The following PATJ variants were observed in gnomAD, a reference collection of about 807,000 sequenced individuals.
The protein encoded by PATJ is PATJ crumbs cell polarity complex component.
In PATJ, 190 loss-of-function variants were observed where a neutral mutation model predicts 224.9. That is an observed-to-expected ratio of 0.84 (90% CI 0.75 to 0.95). PATJ has a LOEUF of 0.95. Ranked by LOEUF, PATJ falls within the 40% of genes least tolerant of loss-of-function variation. PATJ has a pLI of 0.00. For synonymous variants in PATJ, 769 were observed against 820.3 expected (o/e 0.94, Z 1.07); for missense variants, 2,121 against 2,270.3 (o/e 0.93, Z 1.34).
chr1:61,847,435 A>G (rs1486378571), intron 17 of PATJ, among the ~76,000 whole-genome samples: 3 of 152,164 alleles, frequency 2.0e-5, no homozygotes, highest in African/African-American at 7.2e-5. Flanking sequence ...TGATGTGTGG[A>G]AAAATCTATT....
intron 28 of PATJ, among the ~76,000 whole-genome samples, chr1:62,002,583 C>G (rs1162446919): frequency 6.6e-6 from 1 of 151,868 alleles, no homozygotes; most frequent in Non-Finnish European, 1.5e-5. Flanking sequence ...GTAGTGCATG[C>G]CTATAATCCC....
At chr1:61,776,353 A>G (rs1646911693) in intron 7 of PATJ, among the ~76,000 whole-genome samples, 1 of 152,216 alleles carries the variant, frequency 6.6e-6, no homozygotes, top group Non-Finnish European at 1.5e-5. Flanking sequence ...TGATGGTACA[A>G]AAGCAGCTGC....
intron 30 of PATJ, among the ~76,000 whole-genome samples, chr1:62,049,280 CAGAGT>C (rs1417546375): frequency 6.2e-5 from 9 of 144,078 alleles, no homozygotes; most frequent in African/African-American, 2.2e-4. Flanking sequence ...CACACACACA[CAGAGT>C]ATTTTTTTTT....
At chr1:61,811,522 C>A (rs1246735317) in intron 14 of PATJ, among the ~76,000 whole-genome samples, 1 of 151,696 alleles carries the variant, frequency 6.6e-6, no homozygotes, top group East Asian at 1.9e-4. Flanking sequence ...CTGTGCCCAG[C>A]CAGGCTCTTA....
intron 27 of PATJ, among the ~76,000 whole-genome samples, chr1:61,983,545 A>G (rs1644564293): frequency 6.6e-6 from 1 of 152,136 alleles, no homozygotes; most frequent in Non-Finnish European, 1.5e-5. Flanking sequence ...AAAAAATTGT[A>G]TCTGTCTAAA....
Position 62,161,442 on chromosome 1 carries a change from G to A in PATJ, c.*388G>A, listed in dbSNP as rs528359926. On this transcript the variant is annotated 3_prime_UTR_variant, in exon 44 of 44. Coordinates refer to ENST00000642238, the MANE Select transcript of PATJ (RefSeq NM_001350145.3). Reference sequence around the variant, plus strand: ...CAACCTCGGCCTCCCAGGTTGGAGCGATTCTCCTGCCTCAGCCTCCCGAGT... The same window carrying A: ...CAACCTCGGCCTCCCAGGTTGGAGCAATTCTCCTGCCTCAGCCTCCCGAGT... The A allele has an allele frequency of 2.0e-4, 30 of 153,684 alleles. No homozygotes were observed. The highest frequency in any genetic ancestry group is 2.2e-4 in the South Asian group (1 of 4,574). The allele number at this position is 153,684 out of a possible 1,614,324, so 9.5% of individuals were successfully genotyped here.
chr1:62,016,857 A>G (rs1646797317), intron 28 of PATJ, among the ~76,000 whole-genome samples: 1 of 152,214 alleles, frequency 6.6e-6, no homozygotes, highest in Non-Finnish European at 1.5e-5. Context: ...TTACAAAATC[A>G]TGTTTAATGG....
intron 24 of PATJ, 74 bp from the exon 25 acceptor site, chr1:61,908,298 A>T: frequency 1.1e-6 from 1 of 946,376 alleles, no homozygotes; most frequent in Non-Finnish European, 1.7e-6. Context: ...TAGATAATGC[A>T]CATGAACTTT....
chr1:62,153,726 TAG>T (rs1186543729), intron 43 of PATJ, among the ~76,000 whole-genome samples: 1 of 152,166 alleles, frequency 6.6e-6, no homozygotes. Flanking sequence ...CACAGATTTT[TAG>T]AGTGTCTTCT....
chr1:61,911,095 G>A (rs141648805), intron 25 of PATJ, among the ~76,000 whole-genome samples: 3 of 152,208 alleles, frequency 2.0e-5, no homozygotes, highest in African/African-American at 7.2e-5. Flanking sequence ...AAGTACCTTG[G>A]TCACATAAAC....
At chr1:61,997,982 T>TCA (rs1553236114) in intron 28 of PATJ, among the ~76,000 whole-genome samples, 1 of 118,338 alleles carries the variant, frequency 8.5e-6, no homozygotes, top group Non-Finnish European at 1.6e-5. Flanking sequence ...TGTGCCCAGC[T>TCA]TATATATGTA....
intron 31 of PATJ, among the ~76,000 whole-genome samples, chr1:62,066,693 A>T (rs1476855815): frequency 6.6e-6 from 1 of 152,212 alleles, no homozygotes; most frequent in Non-Finnish European, 1.5e-5. Flanking sequence ...AGACCACAGC[A>T]TTGCAGTAAA....
chr1:62,090,431 A>G (rs1352595126), intron 33 of PATJ, among the ~76,000 whole-genome samples: 2 of 152,138 alleles, frequency 1.3e-5, no homozygotes, highest in African/African-American at 4.8e-5. Context: ...ACTTTTAGTG[A>G]TTATGGTCTA....
At chr1:62,040,630 G>C (rs183716697) in intron 30 of PATJ, among the ~76,000 whole-genome samples, 1 of 152,132 alleles carries the variant, frequency 6.6e-6, no homozygotes, top group Admixed American at 6.5e-5. Context: ...ATGAGCTGGG[G>C]CGTGTTTGAG....
At chr1:61,765,094 T>TTTTG (rs1646193835) in intron 3 of PATJ, among the ~76,000 whole-genome samples, 1 of 133,056 alleles carries the variant, frequency 7.5e-6, no homozygotes, top group African/African-American at 2.9e-5. Flanking sequence ...TTTTTTTTTT[T>TTTTG]TTTTTGAGGC....
At chr1:61,949,291 T>TA (rs1238891443) in intron 27 of PATJ, among the ~76,000 whole-genome samples, 1 of 151,846 alleles carries the variant, frequency 6.6e-6, no homozygotes, top group East Asian at 1.9e-4. Flanking sequence ...AAACTGTCCA[T>TA]AAAAAACAAA....
rs61743112 is a variant in PATJ at position 61,927,748 on chromosome 1, C to T, written c.3589C>T (p.Pro1197Ser). The change falls in exon 27 of 44, where the codon CCG becomes TCG. Residue 1197 changes from proline to serine, a missense_variant. Physicochemically the swap from Pro to Ser is moderately conservative, Grantham distance 74. Coordinates refer to ENST00000642238, the MANE Select transcript of PATJ (RefSeq NM_001350145.3). Reference protein sequence around the residue: ...KKEKRQGTAPPPMKLPPPYKA... With the variant: ...KKEKRQGTAPSPMKLPPPYKA... Reference sequence around the variant, plus strand: ...TCTTCAGAGGCAAGGAACTGCTCCACCGCCAATGAAACTTCCTCCTCCTTA... The same window carrying T: ...TCTTCAGAGGCAAGGAACTGCTCCATCGCCAATGAAACTTCCTCCTCCTTA... 6.1e-3 allele frequency: 9,813 copies of T among 1,613,094 alleles called. 578 individuals are homozygous for T. The African/African-American group carries it at 0.12, about 19-fold the overall frequency.
chr1:61,893,529 G>A (rs189468953), intron 22 of PATJ, among the ~76,000 whole-genome samples: 2 of 150,122 alleles, frequency 1.3e-5, no homozygotes, highest in East Asian at 3.9e-4. Flanking sequence ...GGCCAGGTGT[G>A]GTGGCTCATG....
At chr1:61,762,379 A>T (rs1190184243) in intron 1 of PATJ, among the ~76,000 whole-genome samples, 1 of 152,026 alleles carries the variant, frequency 6.6e-6, no homozygotes, top group Non-Finnish European at 1.5e-5. Flanking sequence ...ATTTCTGAAT[A>T]TTATATACCA....
Sources: gnomAD v4.1 joint callset for allele counts (sites outside exome capture counted in the v4.1 genomes callset) on GRCh38, gnomAD v4.1.1 for gene constraint, MANE v1.5 for transcripts, NCBI Gene and HGNC (gene_info 2026-07-23, HGNC 2026-07-21) for gene names.